Variants in COL4A2 observed in about 807,000 individuals in gnomAD.
COL4A2 encodes the protein collagen type IV alpha 2 chain, also known as collagen alpha-2(IV) chain.
COL4A2 carries 99 observed loss-of-function variants against 200.2 expected under a neutral mutation model. That is an observed-to-expected ratio of 0.49 (90% CI 0.42 to 0.58). The LOEUF (loss-of-function observed/expected upper bound fraction) is 0.58. Among genes scored for constraint, COL4A2 ranks in the 20% least tolerant of loss-of-function variants. COL4A2 has a pLI of 0.00. For synonymous variants in COL4A2, 897 were observed against 900.6 expected (o/e 1.00, Z 0.07); for missense variants, 1,950 against 2,314.1 (o/e 0.84, Z 3.23).
intron 38 of COL4A2, among the ~76,000 whole-genome samples, chr13:110,492,818 A>T (rs2081410221): frequency 6.6e-6 from 1 of 152,222 alleles, no homozygotes. Flanking sequence ...ACAGTGTTCC[A>T]GTTCAATGGT....
chr13:110,335,574 G>A (rs970140693), intron 3 of COL4A2, among the ~76,000 whole-genome samples: 1 of 152,058 alleles, frequency 6.6e-6, no homozygotes, highest in Non-Finnish European at 1.5e-5. Context: ...AAATTATCCA[G>A]TCTCACTTAT....
intron 15 of COL4A2, among the ~76,000 whole-genome samples, chr13:110,438,990 CAGTT>C (rs1881022886): frequency 6.6e-6 from 1 of 152,320 alleles, no homozygotes; most frequent in South Asian, 2.1e-4. Flanking sequence ...GTGTTCAGCT[CAGTT>C]AGTCTGTAGT....
chr13:110,408,550 C>T (rs2139436910), intron 4 of COL4A2, among the ~76,000 whole-genome samples: 1 of 152,302 alleles, frequency 6.6e-6, no homozygotes, highest in East Asian at 1.9e-4. Context: ...GCAGTGTATC[C>T]AAAGTTCCAG....
In COL4A2 at chr13:110,506,620, ACCCGGCCCCCGTTGCCTGCTCAGGGCT is replaced by A; in HGVS notation, c.4594+15_4594+41del. ...ACCAGGACCTGGGTAGGTACCTCCC[ACCCGGCCCCCGTTGCCTGCTCAGGGCT>A]GGCCCGGAAGTGGCCAAGATCAAAG... On this transcript the variant is annotated intron_variant, in intron 46 of 47. Coordinates refer to ENST00000360467, the MANE Select transcript of COL4A2 (RefSeq NM_001846.4). 6.3e-7 allele frequency: 1 copy of A among 1,592,220 alleles called. No homozygotes were observed. The highest frequency in any genetic ancestry group is 8.6e-7 in the Non-Finnish European group (1 of 1,168,536).
At chr13:110,460,840 T>G (rs987295833) in intron 22 of COL4A2, among the ~76,000 whole-genome samples, 10 of 152,166 alleles carry the variant, frequency 6.6e-5, no homozygotes, top group African/African-American at 1.9e-4. Flanking sequence ...CAACGTGTAT[T>G]GATCGATTGG....
chr13:110,477,297 C>T (rs945471510), intron 29 of COL4A2, among the ~76,000 whole-genome samples: 1 of 152,200 alleles, frequency 6.6e-6, no homozygotes, highest in Non-Finnish European at 1.5e-5. Flanking sequence ...CAAGCGGATC[C>T]CCCGACACCA....
At chr13:110,409,382 C>T (rs1278823250) in intron 4 of COL4A2, among the ~76,000 whole-genome samples, 3 of 152,220 alleles carry the variant, frequency 2.0e-5, no homozygotes, top group African/African-American at 4.8e-5. Context: ...AGACCCACCC[C>T]GGGTCTCTAG....
chr13:110,479,472 A>G (rs1225304342), intron 30 of COL4A2, among the ~76,000 whole-genome samples: 2 of 8,070 alleles, frequency 2.5e-4, no homozygotes, highest in East Asian at 5.4e-3. Flanking sequence ...AGAATTGCCC[A>G]GGGAACACTT....
intron 38 of COL4A2, among the ~76,000 whole-genome samples, chr13:110,492,866 G>A (rs887186204): frequency 1.3e-5 from 2 of 152,176 alleles, no homozygotes; most frequent in African/African-American, 4.8e-5. Flanking sequence ...TTTACATGTC[G>A]TGTAAGTTGA....
intron 45 of COL4A2, 86 bp downstream of exon 45, chr13:110,504,350 G>A (rs1460693657): frequency 1.9e-5 from 22 of 1,170,602 alleles, no homozygotes; most frequent in African/African-American, 3.0e-5. Context: ...GGGGACACAC[G>A]AGAGCCCAGA....
In COL4A2 at chr13:110,404,304, TCTG is replaced by T. The variant is rs1566514491; in HGVS notation, c.181-20427_181-20425del. Among the ~76,000 whole-genome samples the T allele has an allele frequency of 2.0e-5, 3 of 152,374 alleles. No homozygotes were observed. In the East Asian group the frequency reaches 5.8e-4, roughly 29 times the overall value. On this transcript the variant is annotated intron_variant, in intron 4 of 47. Coordinates refer to ENST00000360467, the MANE Select transcript of COL4A2 (RefSeq NM_001846.4). ...TAGATGCCGACTCATATTTGAAGGT[TCTG>T]CTACTCCTCTACAATACCAGACTTA... is the stretch of plus-strand genomic sequence containing the variant.
chr13:110,329,159 A>C (rs1875783345), intron 3 of COL4A2, among the ~76,000 whole-genome samples: 1 of 152,252 alleles, frequency 6.6e-6, no homozygotes, highest in Non-Finnish European at 1.5e-5. Context: ...TAGACCTTTA[A>C]GCAAGTTGCT....
At chr13:110,429,801 A>G in intron 7 of COL4A2, 84 bp from the exon 8 acceptor site, 1 of 1,362,632 alleles carries the variant, frequency 7.3e-7, no homozygotes, top group East Asian at 2.3e-5. Context: ...GTCAATGTTC[A>G]GTCATCCACA....
At chr13:110,387,821 A>C (rs1999014) in intron 4 of COL4A2, among the ~76,000 whole-genome samples, 2 of 152,180 alleles carry the variant, frequency 1.3e-5, no homozygotes, top group South Asian at 4.1e-4. Context: ...GCAGCTGCTC[A>C]GAGCCACCTC....
At chr13:110,449,273 G>A (rs906533005) in intron 18 of COL4A2, among the ~76,000 whole-genome samples, 1 of 152,150 alleles carries the variant, frequency 6.6e-6, no homozygotes, top group Admixed American at 6.5e-5. Context: ...TTTGTTCAGG[G>A]GTGAAAGTTT....
At chr13:110,479,092 C>T (rs1008894268) in intron 30 of COL4A2, among the ~76,000 whole-genome samples, 1 of 152,234 alleles carries the variant, frequency 6.6e-6, no homozygotes, top group African/African-American at 2.4e-5. Context: ...CACTGGCTTC[C>T]TGGGGTAGCA....
At chr13:110,435,989 G>C (rs1314224625) in intron 12 of COL4A2, 1 of 491,778 alleles carries the variant, frequency 2.0e-6, no homozygotes, top group Non-Finnish European at 3.7e-6. Flanking sequence ...GAAATTCATT[G>C]TAAGGAAACA....
chr13:110,448,883 T>C (rs1262610267), intron 18 of COL4A2, among the ~76,000 whole-genome samples: 1 of 152,178 alleles, frequency 6.6e-6, no homozygotes, highest in Non-Finnish European at 1.5e-5. Context: ...GGCGTTGAGT[T>C]CCTTGCCCAG....
In COL4A2 at chr13:110,493,270, C is replaced by G. The variant is rs1395260344; in HGVS notation, c.3622C>G (p.Pro1208Ala). 1 of 1,614,026 alleles carries G rather than the reference C, an allele frequency of 6.2e-7. No homozygotes were observed. Among genetic ancestry groups the G allele is most frequent in the African/African-American group, 1.3e-5 (1 of 74,936 alleles). Residue 1208 changes from proline (P) to alanine (A), a missense_variant, in exon 39 of 48, where the codon CCA becomes GCA. This residue lies in a region of COL4A2 where 1,385 missense variants were observed against 1,720.5 expected (regional missense o/e 0.80). Coordinates refer to ENST00000360467, the MANE Select transcript of COL4A2 (RefSeq NM_001846.4). Reference protein sequence around the residue: ...LHGLPGTKGFPGSPGSDIHGD... With the variant: ...LHGLPGTKGFAGSPGSDIHGD... The stretch of plus-strand genomic sequence containing the variant: ...CGGCTTGCCAGGCACCAAGGGCTTT[C>G]CAGGATCCCCAGGTACTCTGTGCCG...
Sources: gnomAD v4.1 joint callset for allele counts (sites outside exome capture counted in the v4.1 genomes callset) on GRCh38, gnomAD v4.1.1 for gene constraint, gnomAD v4.1.1 regional missense constraint, MANE v1.5 for transcripts, NCBI Gene and HGNC (gene_info 2026-07-23, HGNC 2026-07-21) for gene names.